The following ABI3 variants were observed in gnomAD, a reference collection of about 807,000 sequenced individuals.
ABI3 encodes the protein ABI family member 3, also known as ABI gene family member 3.
In ABI3, 24 loss-of-function variants were observed where a neutral mutation model predicts 37.0. The observed-to-expected ratio is 0.65, with a 90% confidence interval of 0.47 to 0.91. The LOEUF (loss-of-function observed/expected upper bound fraction) is 0.91. ABI3 is among the 40% of genes least tolerant of loss of function. ABI3 has a pLI of 0.00. For synonymous variants in ABI3, 220 were observed against 211.8 expected (o/e 1.04, Z -0.34); for missense variants, 481 against 485.1 (o/e 0.99, Z 0.08).
chr17:49,215,641 G>A (rs1172704639), intron 1 of ABI3, among the ~76,000 whole-genome samples: 2 of 152,006 alleles, frequency 1.3e-5, no homozygotes, highest in Admixed American at 1.3e-4. Flanking sequence ...GGGATTACAG[G>A]CAGGCACCAC....
rs1183710149 is a variant in ABI3 at position 49,222,597 on chromosome 17, CCTT to C, written c.986_988del (p.Phe329del). The C allele has an allele frequency of 4.3e-6, 7 of 1,614,068 alleles. No individual in the cohort carries two copies. The highest frequency in any genetic ancestry group is 5.1e-6 in the Non-Finnish European group (6 of 1,180,028). On this transcript the variant is annotated inframe_deletion, in exon 8 of 8. Coordinates refer to ENST00000225941, the MANE Select transcript of ABI3 (RefSeq NM_016428.3). ...ACCAGCCAGAAGGACAATGAGCTCT[CCTT>C]CTCTGAGGGCACTGTCATCTGTGTC...
chr17:49,222,325 G>A, intron 7 of ABI3, 100 bp downstream of exon 7: 2 of 1,479,284 alleles, frequency 1.4e-6, no homozygotes, highest in South Asian at 1.4e-5. Flanking sequence ...TATCCCCCGG[G>A]CCCCCCACAC....
chr17:49,216,777 A>G (rs970037258), intron 2 of ABI3, 79 bp downstream of exon 2: 25 of 1,325,732 alleles, frequency 1.9e-5, no homozygotes, highest in Non-Finnish European at 2.4e-5. Flanking sequence ...TTCTACATCA[A>G]AAGTTCCTTC....
chr17:49,214,079 C>T (rs927054213), intron 1 of ABI3, among the ~76,000 whole-genome samples: 14 of 152,212 alleles, frequency 9.2e-5, no homozygotes, highest in Admixed American at 6.5e-4. Context: ...AGAGAGCCAT[C>T]GCATGGGCTG....
In ABI3 at chr17:49,210,841, G is replaced by A; in HGVS notation, c.117G>A (p.Gln39=). 3 of 1,548,142 alleles carry A rather than the reference G, an allele frequency of 1.9e-6. No individual in the cohort carries two copies. The highest frequency in any genetic ancestry group is 2.6e-6 in the Non-Finnish European group (3 of 1,142,770). Residue 39 remains glutamine (Q), a splice_region_variant and synonymous_variant, in exon 1 of 8, where the codon CAG becomes CAA. Transcript: ENST00000225941. The surrounding 1 kb of genome is among the most constrained non-coding windows in gnomAD (Gnocchi z 4.2). The stretch of plus-strand genomic sequence containing the variant: ...ACTACTGCGAGGACAACTATGTGCA[G>A]GTAGGTAGAGCGGGCGGAAGCCTGA... ...VADYCEDNYV[Q]ATDKRKALEE...
chr17:49,217,814 G>C lies in ABI3; in HGVS notation c.361G>C (p.Gly121Arg), dbSNP rs779746761. 2 of 1,610,784 alleles carry C rather than the reference G, an allele frequency of 1.2e-6. No individual in the cohort carries two copies. Among genetic ancestry groups the C allele is most frequent in the Admixed American group, 3.4e-5 (2 of 59,530 alleles). Residue 121 changes from glycine to arginine, a missense_variant, in exon 3 of 8, where the codon GGC becomes CGC. Coordinates refer to ENST00000225941, the MANE Select transcript of ABI3 (RefSeq NM_016428.3). The stretch of plus-strand genomic sequence containing the variant: ...AGCCACTGTCCAGCGGCTGCCCCCC[G>C]GCCAGAAGGTCATCGCCCCAGAGAA... ...TLATVQRLPP[G>R]QKVIAPENLP... is the part of the protein sequence containing the mutation.
Position 49,210,897 on chromosome 17 carries a change from C to A in ABI3, c.117+56C>A. ...CAGCCCCCGGAGGGGGGACCCTGAG[C>A]CCTGCCCCAAGTGGGGCCCTGGGAC... On this transcript the variant is annotated intron_variant, in intron 1 of 7. Transcript: ENST00000225941. The surrounding 1 kb of genome is among the most constrained non-coding windows in gnomAD (Gnocchi z 4.2). The A allele has an allele frequency of 6.9e-7, 1 of 1,448,636 alleles. No individual in the cohort carries two copies. The highest frequency in any genetic ancestry group is 9.4e-7 in the Non-Finnish European group (1 of 1,064,778). 89.7% of individuals were successfully genotyped at this position (1,448,636 alleles called of 1,614,324 possible). A position where few individuals can be genotyped will look rare whatever the true frequency, so the allele number is the denominator to read the frequency against.
Position 49,222,055 on chromosome 17 carries a change from G to A in ABI3, c.803-36G>A, listed in dbSNP as rs773618811. The A allele has an allele frequency of 6.5e-6, 10 of 1,547,078 alleles. No individual in the cohort carries two copies. The Admixed American group carries it at 1.6e-4, about 24-fold the overall frequency. ...CCCTGACACACTGAAGGAGCTTCCTGTGCCACACTTACAGCCTTTCTGCTT... is the reference window on the plus strand; with the variant it reads ...CCCTGACACACTGAAGGAGCTTCCTATGCCACACTTACAGCCTTTCTGCTT... On this transcript the variant is annotated intron_variant, in intron 6 of 7. Coordinates refer to ENST00000225941, the MANE Select transcript of ABI3 (RefSeq NM_016428.3).
At chr17:49,216,011 TG>T (rs2043214361) in intron 1 of ABI3, among the ~76,000 whole-genome samples, 1 of 150,968 alleles carries the variant, frequency 6.6e-6, no homozygotes, top group Non-Finnish European at 1.5e-5. Context: ...CTTGGGAGGC[TG>T]AGGCAGGAGA....
intron 7 of ABI3, 118 bp downstream of exon 7, chr17:49,222,343 C>T: frequency 7.0e-7 from 1 of 1,422,152 alleles, no homozygotes; most frequent in Non-Finnish European, 9.4e-7. Flanking sequence ...CACAATTTTT[C>T]TGACGAACTG....
In ABI3 at chr17:49,217,822, G is replaced by A. The variant is rs1426818944; in HGVS notation, c.369G>A (p.Lys123=). 9.9e-6 allele frequency: 16 copies of A among 1,611,132 alleles called. No homozygotes were observed. The highest frequency in any genetic ancestry group is 1.4e-5 in the Non-Finnish European group (16 of 1,178,688). The change falls in exon 3 of 8, where the codon AAG becomes AAA. Residue 123 remains lysine, a synonymous_variant. Coordinates refer to ENST00000225941, the MANE Select transcript of ABI3 (RefSeq NM_016428.3). Reference sequence around the variant, plus strand: ...TCCAGCGGCTGCCCCCCGGCCAGAAGGTCATCGCCCCAGAGAACCTACCCC... The same window carrying A: ...TCCAGCGGCTGCCCCCCGGCCAGAAAGTCATCGCCCCAGAGAACCTACCCC... ...ATVQRLPPGQ[K]VIAPENLPPL...
rs1293997893 is a variant in ABI3 at position 49,220,342 on chromosome 17, C to T, written c.802+16C>T. The stretch of plus-strand genomic sequence containing the variant: ...CCCCCACCGGGTAAGGAGGTCCACC[C>T]TCTTCTTCCCAACCGTGGGGTCGCT... On this transcript the variant is annotated intron_variant, in intron 6 of 7. Transcript: ENST00000225941. 6.4e-7 allele frequency: 1 copy of T among 1,560,870 alleles called. No homozygotes were observed. The highest frequency in any genetic ancestry group is 8.7e-7 in the Non-Finnish European group (1 of 1,151,930).
intron 1 of ABI3, among the ~76,000 whole-genome samples, chr17:49,212,714 G>A (rs1477968794): frequency 6.6e-6 from 1 of 152,176 alleles, no homozygotes; most frequent in Non-Finnish European, 1.5e-5. Context: ...CCTAGCTAGT[G>A]TCAGAGCCTG....
At chr17:49,214,928 G>A (rs1171076609) in intron 1 of ABI3, among the ~76,000 whole-genome samples, 1 of 152,186 alleles carries the variant, frequency 6.6e-6, no homozygotes, top group Non-Finnish European at 1.5e-5. Context: ...TCCATGACGG[G>A]ATACAGGATG....
In ABI3 at chr17:49,223,133, T is replaced by C. The variant is rs2043311771; in HGVS notation, c.*418T>C. 2.4e-6 allele frequency: 1 copy of C among 417,530 alleles called. No homozygotes were observed. Among genetic ancestry groups the C allele is most frequent in the Admixed American group, 4.1e-5 (1 of 24,544 alleles). The allele number at this position is 417,530 out of a possible 1,614,324, so 25.9% of individuals were successfully genotyped here. On this transcript the variant is annotated 3_prime_UTR_variant, in exon 8 of 8. Transcript: ENST00000225941. ...ACCAGCTGACCTAGAAGCAGCATCT[T>C]CCCATTTCCTCAGTACCCACAAAGT...
chr17:49,214,284 C>G (rs1380246968), intron 1 of ABI3, among the ~76,000 whole-genome samples: 1 of 152,194 alleles, frequency 6.6e-6, no homozygotes, highest in Non-Finnish European at 1.5e-5. Context: ...TGCCCCCTAC[C>G]TGCCTTAGAA....
intron 1 of ABI3, among the ~76,000 whole-genome samples, chr17:49,216,275 G>C (rs2043216903): frequency 6.6e-6 from 1 of 152,032 alleles, no homozygotes; most frequent in African/African-American, 2.4e-5. Context: ...AACTATTTGA[G>C]AATGGGTATC....
rs1173158814 is a variant in ABI3, at chr17:49,214,092, C to T, written c.118-2439C>T. Among the ~76,000 whole-genome samples, 4 of 152,226 alleles carry T rather than the reference C, an allele frequency of 2.6e-5. No homozygotes were observed. The South Asian group carries it at 6.2e-4, about 24-fold the overall frequency. ...GGAGAGAGCCATCGCATGGGCTGCC[C>T]AGAAGGTTCTGGCTCAGGCTCCATT... On this transcript the variant is annotated intron_variant, in intron 1 of 7. Transcript: ENST00000225941.
Position 49,210,840 on chromosome 17 carries a change from A to C in ABI3, c.116A>C (p.Gln39Pro). 1 of 1,547,682 alleles carries C rather than the reference A, an allele frequency of 6.5e-7. No homozygotes were observed. Among genetic ancestry groups the C allele is most frequent in the East Asian group, 2.4e-5 (1 of 41,026 alleles). The change falls in exon 1 of 8, where the codon CAG becomes CCG. Residue 39 changes from glutamine to proline, a missense_variant and splice_region_variant. Coordinates refer to ENST00000225941, the MANE Select transcript of ABI3 (RefSeq NM_016428.3). This position sits in a 1 kb window ranked among gnomAD's most constrained non-coding sequence, Gnocchi z 4.2. ...VADYCEDNYV[Q>P]ATDKRKALEE... is the part of the protein sequence containing the mutation. ...GACTACTGCGAGGACAACTATGTGC[A>C]GGTAGGTAGAGCGGGCGGAAGCCTG...
Sources: gnomAD v4.1 joint callset for allele counts (sites outside exome capture counted in the v4.1 genomes callset) on GRCh38, gnomAD v4.1.1 for gene constraint, Gnocchi (gnomAD v3.1) non-coding constraint, MANE v1.5 for transcripts, NCBI Gene and HGNC (gene_info 2026-07-23, HGNC 2026-07-21) for gene names.